POMZP3: variants seen among roughly 807,000 people sequenced by gnomAD.
POMZP3 encodes the protein POM121 and ZP3 fusion protein.
A neutral mutation model predicts 19.8 loss-of-function variants in POMZP3; 10 were observed. That is an observed-to-expected ratio of 0.51 (90% CI 0.31 to 0.86). POMZP3 has a LOEUF of 0.86. Among genes scored for constraint, POMZP3 ranks in the 40% least tolerant of loss-of-function variants. The pLI is 0.04. For missense variants in POMZP3, 152 were observed against 228.1 expected (o/e 0.67, Z 2.15); for synonymous variants, 57 against 85.8 (o/e 0.66, Z 1.85).
At chr7:76,621,470 C>T (rs1203625295) in intron 3 of POMZP3, 5 of 149,966 alleles carry the variant, frequency 3.3e-5, no homozygotes, top group Non-Finnish European at 7.4e-5. Flanking sequence ...TTTTTTTTAA[C>T]TTCTACTATT....
chr7:76,610,219 T>G lies in POMZP3; in HGVS notation c.*12-4A>C, dbSNP rs376174762. 1.9e-6 allele frequency: 3 copies of G among 1,613,618 alleles called. No homozygotes were observed. In the African/African-American group the frequency reaches 4.0e-5, roughly 22 times the overall value. The stretch of plus-strand genomic sequence containing the variant: ...GTGACATCTGCTTCTTCTGTCACTG[T>G]GAAAGGAGAACACACAACCAAGGGT... On this transcript the variant is annotated splice_region_variant and splice_polypyrimidine_tract_variant and intron_variant, in intron 6 of 6. Transcript: ENST00000310842.
rs1370049293 is a variant in POMZP3, at chr7:76,612,922, GT to G, written c.346-1110del. On this transcript the variant is annotated intron_variant, in intron 4 of 6. Transcript: ENST00000310842. ...TTCAGACTTAAGAGGTTTTTTTTTT[GT>G]TTTTTTTTTTTGAGGTGGAGTCTTG... Among the ~76,000 whole-genome samples the G allele has an allele frequency of 3.2e-4, 22 of 68,332 alleles. 1 individual carries two copies. Among genetic ancestry groups the G allele is most frequent in the Admixed American group, 2.8e-3 (19 of 6,852 alleles). The allele number at this position is 68,332 out of a possible 152,430, so 44.8% of individuals were successfully genotyped here. A position where few individuals can be genotyped will look rare whatever the true frequency, so the allele number is the denominator to read the frequency against.
intron 3 of POMZP3, among the ~76,000 whole-genome samples, chr7:76,619,404 A>G (rs1420960051): frequency 6.6e-6 from 1 of 151,242 alleles, no homozygotes; most frequent in African/African-American, 2.4e-5. Context: ...AAAATAAAAT[A>G]AAATAAAATA....
chr7:76,626,146 C>G lies in POMZP3; in HGVS notation c.-82G>C. On this transcript the variant is annotated 5_prime_UTR_variant, in exon 2 of 7. Transcript: ENST00000310842. ...TGGGAAGTACCCCCGGACAGGAATA[C>G]TGGGCCTGATGGATCGGATAGCGTC... 1 of 1,609,028 alleles carries G rather than the reference C, an allele frequency of 6.2e-7. No individual in the cohort carries two copies. The highest frequency in any genetic ancestry group is 8.5e-7 in the Non-Finnish European group (1 of 1,177,422).
At chr7:76,625,479 G>C in intron 3 of POMZP3, 43 bp downstream of exon 3, 1 of 1,598,836 alleles carries the variant, frequency 6.3e-7, no homozygotes, top group Non-Finnish European at 8.6e-7. Context: ...TCCCATAGGA[G>C]TCCAAGCGGG....
intron 3 of POMZP3, chr7:76,621,161 T>G (rs1330770520): frequency 6.7e-6 from 1 of 150,126 alleles, no homozygotes; most frequent in East Asian, 1.9e-4. Context: ...AGACGCCAGG[T>G]GATGTCCATT....
Position 76,618,857 on chromosome 7 carries a change from A to C in POMZP3, c.228-557T>G, listed in dbSNP as rs1217223392. Among the ~76,000 whole-genome samples the C allele has an allele frequency of 2.6e-5, 4 of 151,702 alleles. No homozygotes were observed. In the East Asian group the frequency reaches 5.8e-4, roughly 22 times the overall value. On this transcript the variant is annotated intron_variant, in intron 3 of 6. Coordinates refer to ENST00000310842, the MANE Select transcript of POMZP3 (RefSeq NM_012230.5). ...GGCTGGAGTACAGTGGCGTGATCAT[A>C]GCTCACTGCAGCCTCGACCTCCTGG... is the stretch of plus-strand genomic sequence containing the variant.
chr7:76,624,914 C>CGAG (rs906532678), intron 3 of POMZP3, among the ~76,000 whole-genome samples: 6 of 150,678 alleles, frequency 4.0e-5, no homozygotes, highest in African/African-American at 1.5e-4. Flanking sequence ...GGGCAGATCA[C>CGAG]GAGGTCAGGA....
intron 3 of POMZP3, among the ~76,000 whole-genome samples, chr7:76,618,782 A>T (rs1172699397): frequency 6.6e-6 from 1 of 151,926 alleles, no homozygotes; most frequent in Non-Finnish European, 1.5e-5. Context: ...GGATAAGCTG[A>T]AGAATTGTTA....
In POMZP3 at chr7:76,626,162, G is replaced by C; in HGVS notation, c.-98C>G. The stretch of plus-strand genomic sequence containing the variant: ...ACAGGAATACTGGGCCTGATGGATC[G>C]GATAGCGTCTTCGAGGTGTTATTAC... On this transcript the variant is annotated 5_prime_UTR_variant, in exon 2 of 7. Coordinates refer to ENST00000310842, the MANE Select transcript of POMZP3 (RefSeq NM_012230.5). 6.2e-7 allele frequency: 1 copy of C among 1,601,920 alleles called. No homozygotes were observed.
In POMZP3 at chr7:76,614,799, G is replaced by T. The variant is rs557149473; in HGVS notation, c.346-2986C>A. ...TGGCTTGAATAAGGAGGTGGAGGTT[G>T]CAGTGAACCGAGATCATGCCATTGC... On this transcript the variant is annotated intron_variant, in intron 4 of 6. Transcript: ENST00000310842. Among the ~76,000 whole-genome samples, 212 of 83,048 alleles carry T rather than the reference G, an allele frequency of 2.6e-3. 37 individuals carry two copies. Among genetic ancestry groups the T allele is most frequent in the African/African-American group, 0.013 (206 of 16,462 alleles). 54.5% of individuals were successfully genotyped at this position (83,048 alleles called of 152,430 possible).
At position 76,627,210 on chromosome 7, in the gene POMZP3, G is replaced by C; in HGVS notation, c.-654C>G. The C allele has an allele frequency of 3.5e-6, 5 of 1,429,640 alleles. 1 individual carries two copies. The highest frequency in any genetic ancestry group is 4.6e-6 in the Non-Finnish European group (5 of 1,081,534). 88.6% of individuals were successfully genotyped at this position (1,429,640 alleles called of 1,614,324 possible). A position where few individuals can be genotyped will look rare whatever the true frequency, so the allele number is the denominator to read the frequency against. On this transcript the variant is annotated 5_prime_UTR_variant, in exon 1 of 7. Coordinates refer to ENST00000310842, the MANE Select transcript of POMZP3 (RefSeq NM_012230.5). Reference sequence around the variant, plus strand: ...CCGGCCCTGACACTCGCTATCGGCCGCCGCCGCTCGCCTGCTCCAGCCGCC... The same window carrying C: ...CCGGCCCTGACACTCGCTATCGGCCCCCGCCGCTCGCCTGCTCCAGCCGCC...
At chr7:76,624,871 G>A (rs993905303) in intron 3 of POMZP3, among the ~76,000 whole-genome samples, 7 of 151,488 alleles carry the variant, frequency 4.6e-5, no homozygotes, top group African/African-American at 1.7e-4. Flanking sequence ...CGTGGCTCAA[G>A]CCTGTAATCC....
In POMZP3 at chr7:76,611,536, A is replaced by G; in HGVS notation, c.493T>C (p.Cys165Arg). The stretch of plus-strand genomic sequence containing the variant: ...CTCCTGGAATGGCTTGGAGTGCCAC[A>G]GTCACCTTTGTTACAGCATTGACAG... ...DICQCCNKGD[C>R]GTPSHSRRQP... Residue 165 changes from cysteine (C) to arginine (R), a missense_variant, in exon 6 of 7, where the codon TGT becomes CGT. Cys to Arg is a radical substitution (Grantham distance 180). Coordinates refer to ENST00000310842, the MANE Select transcript of POMZP3 (RefSeq NM_012230.5). 6.2e-7 allele frequency: 1 copy of G among 1,605,232 alleles called. No individual in the cohort carries two copies. Among genetic ancestry groups the G allele is most frequent in the South Asian group, 1.1e-5 (1 of 90,928 alleles).
chr7:76,622,523 T>C (rs1481798587), intron 3 of POMZP3, among the ~76,000 whole-genome samples: 2 of 148,008 alleles, frequency 1.4e-5, no homozygotes, highest in East Asian at 4.0e-4. Flanking sequence ...GGATTACAGG[T>C]ATGCTGTAAT....
intron 3 of POMZP3, among the ~76,000 whole-genome samples, chr7:76,619,419 T>G (rs1815425722): frequency 6.7e-6 from 1 of 150,242 alleles, no homozygotes; most frequent in South Asian, 2.1e-4. Flanking sequence ...AAAATAGGGC[T>G]CTCTCCTCTC....
intron 3 of POMZP3, chr7:76,618,683 G>A: frequency 5.0e-6 from 1 of 200,090 alleles, no homozygotes; most frequent in Non-Finnish European, 1.0e-5. Flanking sequence ...GCACCCATTT[G>A]TGTTTTTTAA....
At chr7:76,616,530 C>A (rs533284779) in intron 4 of POMZP3, among the ~76,000 whole-genome samples, 2 of 100,132 alleles carry the variant, frequency 2.0e-5, no homozygotes, top group African/African-American at 8.0e-5. Context: ...TCTAAGCTCA[C>A]GGCCTCACCT....
chr7:76,626,612 C>T, intron 1 of POMZP3, 96 bp downstream of exon 1: 1 of 1,204,276 alleles, frequency 8.3e-7, no homozygotes, highest in African/African-American at 1.6e-5. Flanking sequence ...CACACAATTC[C>T]CTTCGGATTT....
Sources: gnomAD v4.1 joint callset for allele counts (sites outside exome capture counted in the v4.1 genomes callset) on GRCh38, gnomAD v4.1.1 for gene constraint, MANE v1.5 for transcripts, NCBI Gene and HGNC (gene_info 2026-07-23, HGNC 2026-07-21) for gene names.